SEMA5A: variants seen among roughly 807,000 people sequenced by gnomAD.
The protein encoded by SEMA5A is semaphorin-5A.
A neutral mutation model predicts 135.5 loss-of-function variants in SEMA5A; 55 were observed. The ratio of observed to expected loss-of-function variants is 0.41; its 90% CI spans 0.33 to 0.51. The LOEUF (loss-of-function observed/expected upper bound fraction) is 0.51. Among genes scored for constraint, SEMA5A ranks in the 20% least tolerant of loss-of-function variants. The pLI, the probability that SEMA5A is intolerant of heterozygous loss-of-function variation, is 0.37. For missense variants in SEMA5A, 1,290 were observed against 1,419.9 expected, an observed-to-expected ratio of 0.91 and a Z score of 1.47; for synonymous variants, 580 against 546.5, an observed-to-expected ratio of 1.06 and a Z score of -0.85.
In SEMA5A at chr5:9,062,856, A is replaced by G. The variant is rs992442521; in HGVS notation, c.2518+31T>C. ...GACTCTCCAAGGCCCTTGAGTTTTCAGATGTTTTGTAGACTACACAATCCA... is the reference window on the plus strand; with the variant it reads ...GACTCTCCAAGGCCCTTGAGTTTTCGGATGTTTTGTAGACTACACAATCCA... On this transcript the variant is annotated intron_variant, in intron 18 of 22. Coordinates refer to ENST00000382496, the MANE Select transcript of SEMA5A (RefSeq NM_003966.3). 13 of 1,610,424 alleles carry G rather than the reference A, an allele frequency of 8.1e-6. No homozygotes were observed. The African/African-American group carries it at 1.7e-4, about 22-fold the overall frequency.
At chr5:9,063,290 C>A (rs1388962048) in intron 17 of SEMA5A, among the ~76,000 whole-genome samples, 185 bp from the exon 18 acceptor site, 2 of 152,232 alleles carry the variant, frequency 1.3e-5, no homozygotes, top group Admixed American at 6.5e-5. Context: ...ATCTCTCAAG[C>A]TTGTTTCCTG....
chr5:9,184,536 C>A (rs946770840), intron 11 of SEMA5A, among the ~76,000 whole-genome samples: 1 of 152,164 alleles, frequency 6.6e-6, no homozygotes, highest in Non-Finnish European at 1.5e-5. Flanking sequence ...AAAACCTTAT[C>A]TTTTATTTCT....
chr5:9,240,624 T>C (rs887422602), intron 5 of SEMA5A, among the ~76,000 whole-genome samples: 2 of 152,046 alleles, frequency 1.3e-5, no homozygotes, highest in Non-Finnish European at 2.9e-5. Flanking sequence ...TGGGTTCTTA[T>C]TTCTCACAGT....
intron 16 of SEMA5A, among the ~76,000 whole-genome samples, chr5:9,072,994 C>T (rs918995983): frequency 1.3e-5 from 2 of 151,976 alleles, no homozygotes; most frequent in Non-Finnish European, 1.5e-5. Context: ...AGGAAGACCT[C>T]GAAGAGATAA....
At chr5:9,131,118 G>A (rs923467871) in intron 13 of SEMA5A, among the ~76,000 whole-genome samples, 1 of 152,152 alleles carries the variant, frequency 6.6e-6, no homozygotes, top group African/African-American at 2.4e-5. Flanking sequence ...TTGCATTTCT[G>A]TAAAGGAATA....
chr5:9,207,758 G>A (rs10052287), intron 8 of SEMA5A, among the ~76,000 whole-genome samples: 14,818 of 151,848 alleles, frequency 0.098, 1,061 homozygotes, highest in African/African-American at 0.2. Context: ...AATTAAAAGC[G>A]GATAACTTAA....
In SEMA5A at chr5:9,437,868, T is replaced by C. The variant is rs77458115; in HGVS notation, c.-174-16A>G. 0.019 allele frequency: 2,855 copies of C among 152,182 alleles called. 89 individuals carry two copies. Among genetic ancestry groups the C allele is most frequent in the East Asian group, 0.13 (645 of 5,138 alleles). The allele number at this position is 152,182 out of a possible 1,614,324, so 9.4% of individuals were successfully genotyped here. ...CACACCAACACTTCAAAAAAGAAAA[T>C]AGAGAGATCCTGTCAACCCATTTTA... On this transcript the variant is annotated splice_polypyrimidine_tract_variant and intron_variant, in intron 1 of 22. Transcript: ENST00000382496.
chr5:9,053,856 A>G (rs530960389), intron 19 of SEMA5A: 2 of 426,666 alleles, frequency 4.7e-6, no homozygotes, highest in East Asian at 3.7e-5. Context: ...GCACTCTCCC[A>G]TTGCTGGGCT....
intron 2 of SEMA5A, among the ~76,000 whole-genome samples, chr5:9,431,995 A>G (rs1382344390): frequency 6.6e-6 from 1 of 152,200 alleles, no homozygotes; most frequent in Non-Finnish European, 1.5e-5. Flanking sequence ...TCACCTAAAC[A>G]AAAGAGGGGA....
intron 3 of SEMA5A, among the ~76,000 whole-genome samples, chr5:9,339,656 C>G (rs1329969755): frequency 6.6e-6 from 1 of 152,036 alleles, no homozygotes; most frequent in African/African-American, 2.4e-5. Context: ...ACTTAAGAAA[C>G]TACTAGGAAA....
chr5:9,112,500 T>C (rs1437120493), intron 15 of SEMA5A, among the ~76,000 whole-genome samples: 2 of 152,210 alleles, frequency 1.3e-5, no homozygotes, highest in African/African-American at 4.8e-5. Flanking sequence ...CTGCTATAAA[T>C]TTTTATGGCA....
rs1161145381 is a variant in SEMA5A, at chr5:9,283,648, C to T, written c.270+34724G>A. Among the ~76,000 whole-genome samples the T allele has an allele frequency of 3.9e-5, 6 of 152,252 alleles. No homozygotes were observed. In the South Asian group the frequency reaches 8.3e-4, roughly 21 times the overall value. On this transcript the variant is annotated intron_variant, in intron 5 of 22. Transcript: ENST00000382496. ...GGGGAGGGGATGATATAGGGTAGGT[C>T]CACCAGGGGGCAGAATCCTGGGGCC... is the stretch of plus-strand genomic sequence containing the variant.
Position 9,054,102 on chromosome 5 carries a change from T to C in SEMA5A, c.2674A>G (p.Thr892Ala). 1 of 1,611,828 alleles carries C rather than the reference T, an allele frequency of 6.2e-7. No homozygotes were observed. Among genetic ancestry groups the C allele is most frequent in the Non-Finnish European group, 8.5e-7 (1 of 1,179,198 alleles). Residue 892 changes from threonine (T) to alanine (A), a missense_variant, in exon 19 of 23, where the codon ACG (threonine) becomes GCG (alanine). By Grantham distance (58) the Thr-to-Ala change is moderately conservative. Around this residue, in one of 3 missense-constraint regions of SEMA5A, gnomAD observed 1,029 missense variants for 1,086.6 expected, o/e 0.95. Transcript: ENST00000382496. ...GLHTEEALCNTQPCPESWSEW... is the reference protein window; with the variant it reads ...GLHTEEALCNAQPCPESWSEW... ...TGCCGCTTACCTGGGCAGGGCTGCGTGTTGCAGAGTGCCTCTTCTGTGTGC... is the reference window on the plus strand; with the variant it reads ...TGCCGCTTACCTGGGCAGGGCTGCGCGTTGCAGAGTGCCTCTTCTGTGTGC...
intron 13 of SEMA5A, among the ~76,000 whole-genome samples, chr5:9,134,919 C>A (rs1413950066): frequency 2.0e-5 from 3 of 151,998 alleles, no homozygotes; most frequent in African/African-American, 7.2e-5. Context: ...GGCCTTAGAA[C>A]AAACAATGAC....
intron 5 of SEMA5A, among the ~76,000 whole-genome samples, chr5:9,268,283 A>T (rs1749785250): frequency 6.6e-6 from 1 of 152,184 alleles, no homozygotes; most frequent in Non-Finnish European, 1.5e-5. Context: ...CGATAAAAAT[A>T]CAGAGACAGG....
intron 5 of SEMA5A, among the ~76,000 whole-genome samples, chr5:9,301,524 C>G (rs1190761053): frequency 1.3e-5 from 2 of 152,138 alleles, no homozygotes; most frequent in Non-Finnish European, 2.9e-5. Flanking sequence ...GTTCTTACTC[C>G]TAGTTACAAT....
At chr5:9,272,881 T>C (rs1750056411) in intron 5 of SEMA5A, among the ~76,000 whole-genome samples, 1 of 152,060 alleles carries the variant, frequency 6.6e-6, no homozygotes, top group African/African-American at 2.4e-5. Flanking sequence ...AGACCAAAGG[T>C]AGATAAATCC....
intron 2 of SEMA5A, among the ~76,000 whole-genome samples, chr5:9,396,364 T>C (rs1756401720): frequency 6.6e-6 from 1 of 152,144 alleles, no homozygotes; most frequent in Non-Finnish European, 1.5e-5. Flanking sequence ...ATTCATCAGA[T>C]ATTTTGTGCT....
chr5:9,342,452 A>G (rs1270841592), intron 3 of SEMA5A, among the ~76,000 whole-genome samples: 1 of 152,238 alleles, frequency 6.6e-6, no homozygotes, highest in African/African-American at 2.4e-5. Flanking sequence ...AGGGGCTGAG[A>G]AAGCAGGATT....
Sources: gnomAD v4.1 joint callset for allele counts (sites outside exome capture counted in the v4.1 genomes callset) on GRCh38, gnomAD v4.1.1 for gene constraint, gnomAD v4.1.1 regional missense constraint, MANE v1.5 for transcripts, NCBI Gene and HGNC (gene_info 2026-07-23, HGNC 2026-07-21) for gene names.